Variants in CYFIP2 observed in about 807,000 individuals in gnomAD.
The protein encoded by CYFIP2 is cytoplasmic FMR1 interacting protein 2.
In CYFIP2, 29 loss-of-function variants were observed where a neutral mutation model predicts 158.7. The ratio of observed to expected loss-of-function variants is 0.18; its 90% CI spans 0.14 to 0.25. CYFIP2 has a LOEUF of 0.25. Ranked by LOEUF, CYFIP2 falls within the 10% of genes least tolerant of loss-of-function variation. The pLI, the probability that CYFIP2 is intolerant of heterozygous loss-of-function variation, is 1.00. For missense variants in CYFIP2, 852 were observed against 1,639.5 expected (o/e 0.52, Z 8.29); for synonymous variants, 585 against 617.6 (o/e 0.95, Z 0.78).
rs1581004070 is a variant in CYFIP2, at chr5:157,299,091, ATTGTTGGGT to A, written c.388-1623_388-1615del. On this transcript the variant is annotated intron_variant, in intron 5 of 30. Coordinates refer to ENST00000620254, the MANE Select transcript of CYFIP2 (RefSeq NM_001037333.3). ...TCTCAAGTAGAGACCTAGGAGTGGAATTGTTGGGTCAGATGGTAACCCCACCTTTAAGCT... is the reference window on the plus strand; with the variant it reads ...TCTCAAGTAGAGACCTAGGAGTGGAACAGATGGTAACCCCACCTTTAAGCT... Among the ~76,000 whole-genome samples the A allele has an allele frequency of 2.6e-5, 4 of 152,182 alleles. No homozygotes were observed. The East Asian group carries it at 7.7e-4, about 29-fold the overall frequency.
intron 28 of CYFIP2, among the ~76,000 whole-genome samples, chr5:157,388,274 A>C (rs898646060): frequency 1.1e-4 from 17 of 152,344 alleles, no homozygotes; most frequent in Admixed American, 4.6e-4. Flanking sequence ...TTTGACATCT[A>C]GTCTGTCTAG....
intron 28 of CYFIP2, among the ~76,000 whole-genome samples, chr5:157,388,917 A>G (rs1348542651): frequency 6.6e-6 from 1 of 152,254 alleles, no homozygotes; most frequent in Non-Finnish European, 1.5e-5. Flanking sequence ...TTCAATGGCT[A>G]TCCAGAATTC....
intron 26 of CYFIP2, among the ~76,000 whole-genome samples, chr5:157,378,512 A>G (rs1201088137): frequency 1.3e-5 from 2 of 152,230 alleles, no homozygotes; most frequent in Non-Finnish European, 2.9e-5. Context: ...ACATGTATAT[A>G]TAATGAAGGG....
chr5:157,366,968 G>A (rs1764433128), intron 26 of CYFIP2, among the ~76,000 whole-genome samples: 1 of 152,210 alleles, frequency 6.6e-6, no homozygotes, highest in African/African-American at 2.4e-5. Context: ...CCCCGGGAAG[G>A]ACAGAGCCCT....
chr5:157,340,221 G>A (rs530034791), intron 22 of CYFIP2, among the ~76,000 whole-genome samples: 1 of 152,366 alleles, frequency 6.6e-6, no homozygotes, highest in Admixed American at 6.5e-5. Context: ...AAATAAGTAT[G>A]TAAGGATGCA....
chr5:157,300,642 G>A, intron 5 of CYFIP2, 73 bp from the exon 6 acceptor site: 1 of 1,273,872 alleles, frequency 7.9e-7, no homozygotes, highest in Non-Finnish European at 1.0e-6. Context: ...TCTGAGGAGG[G>A]CCCTAGAGGA....
rs1195280227 is a variant in CYFIP2, at chr5:157,361,248, CGT to C, written c.2909-211_2909-210del. On this transcript the variant is annotated intron_variant, in intron 25 of 30. Coordinates refer to ENST00000620254, the MANE Select transcript of CYFIP2 (RefSeq NM_001037333.3). The surrounding 1 kb of genome is among the most constrained non-coding windows in gnomAD (Gnocchi z 4.4). ...GTTTGTGTGTGTGTGCATGTGTGTG[CGT>C]GTGTGTGTTCTGAAAAAGACATGAG... Among the ~76,000 whole-genome samples, 1 of 151,798 alleles carries C rather than the reference CGT, an allele frequency of 6.6e-6. No individual in the cohort carries two copies. Among genetic ancestry groups the C allele is most frequent in the Admixed American group, 6.6e-5 (1 of 15,222 alleles).
At chr5:157,348,864 C>A (rs946646528) in intron 23 of CYFIP2, among the ~76,000 whole-genome samples, 9 of 151,564 alleles carry the variant, frequency 5.9e-5, no homozygotes, top group Admixed American at 2.6e-4. Flanking sequence ...TGAGTCCCCA[C>A]AGAGCATAAA....
At position 157,359,024 on chromosome 5, in the gene CYFIP2, G is replaced by A. The variant is rs1414440150; in HGVS notation, c.2693G>A (p.Ser898Asn). The A allele has an allele frequency of 2.5e-6, 4 of 1,613,960 alleles. No individual in the cohort carries two copies. Residue 898 changes from serine (S) to asparagine (N), a missense_variant, in exon 24 of 31, where the codon AGC becomes AAC. Transcript: ENST00000620254. The stretch of plus-strand genomic sequence containing the variant: ...TTCCAGCCTCTCAACATTGCCTACA[G>A]CCACATCTACAGCTCCTACAGGAAT... Reference protein sequence around the residue: ...YGSKPLNIAYSHIYSSYRNFV... With the variant: ...YGSKPLNIAYNHIYSSYRNFV...
chr5:157,311,009 T>C lies in CYFIP2; in HGVS notation c.993-655T>C, dbSNP rs1301530834. On this transcript the variant is annotated intron_variant, in intron 10 of 30. Transcript: ENST00000620254. The surrounding 1 kb of genome is among the most constrained non-coding windows in gnomAD (Gnocchi z 4.7). ...TTTCCTCTCTGACTTAGGATGGTTT[T>C]CCTAATGACATCTTTTCACAAGGCG... is the stretch of plus-strand genomic sequence containing the variant. 2 of 454,310 alleles carry C rather than the reference T, an allele frequency of 4.4e-6. No homozygotes were observed. The highest frequency in any genetic ancestry group is 8.8e-6 in the Non-Finnish European group (2 of 226,500). 28.1% of individuals were successfully genotyped at this position (454,310 alleles called of 1,614,324 possible).
At chr5:157,358,215 T>G (rs573810193) in intron 23 of CYFIP2, among the ~76,000 whole-genome samples, 5 of 152,334 alleles carry the variant, frequency 3.3e-5, no homozygotes, top group African/African-American at 1.2e-4. Context: ...ATAGCATGGT[T>G]GTATATACTC....
chr5:157,349,814 G>T (rs1248349913), intron 23 of CYFIP2, among the ~76,000 whole-genome samples: 1 of 152,222 alleles, frequency 6.6e-6, no homozygotes, highest in Non-Finnish European at 1.5e-5. Context: ...CATTCTTGCA[G>T]GAGTAAGGTG....
intron 26 of CYFIP2, among the ~76,000 whole-genome samples, chr5:157,371,271 G>A (rs759902921): frequency 5.9e-5 from 9 of 152,102 alleles, no homozygotes; most frequent in Non-Finnish European, 1.2e-4. Context: ...CCAGCTCCCC[G>A]TCCCCCTCCT....
chr5:157,286,320 C>CT (rs1238578743), intron 2 of CYFIP2, among the ~76,000 whole-genome samples: 2 of 149,738 alleles, frequency 1.3e-5, no homozygotes, highest in African/African-American at 4.9e-5. Flanking sequence ...GGATATATAC[C>CT]TTTTTTACCA....
chr5:157,356,580 C>A (rs115542008), intron 23 of CYFIP2, among the ~76,000 whole-genome samples: 1 of 152,114 alleles, frequency 6.6e-6, no homozygotes, highest in Non-Finnish European at 1.5e-5. Flanking sequence ...TCCTCTCATG[C>A]CCCTTTCCAG....
At chr5:157,347,293 CT>C (rs1402490546) in intron 23 of CYFIP2, among the ~76,000 whole-genome samples, 1 of 134,468 alleles carries the variant, frequency 7.4e-6, no homozygotes, top group African/African-American at 3.1e-5. Flanking sequence ...TATAGAAAGA[CT>C]TTTTCCCTTG....
intron 5 of CYFIP2, among the ~76,000 whole-genome samples, chr5:157,297,524 C>G (rs554874022): frequency 1.3e-5 from 2 of 152,342 alleles, no homozygotes; most frequent in South Asian, 4.1e-4. Context: ...GTAGGTTTCA[C>G]AAATTGCAGC....
intron 20 of CYFIP2, 150 bp from the exon 21 acceptor site, chr5:157,333,177 C>A: frequency 1.1e-6 from 1 of 914,950 alleles, no homozygotes; most frequent in Non-Finnish European, 1.7e-6. Context: ...CCTCAATGGA[C>A]AGGCTGGTTG....
chr5:157,382,205 C>G (rs1210225221), intron 26 of CYFIP2, among the ~76,000 whole-genome samples: 1 of 152,184 alleles, frequency 6.6e-6, no homozygotes, highest in Non-Finnish European at 1.5e-5. Flanking sequence ...CTTGAGCCTA[C>G]AGACCTCACA....
Sources: gnomAD v4.1 joint callset for allele counts (sites outside exome capture counted in the v4.1 genomes callset) on GRCh38, gnomAD v4.1.1 for gene constraint, Gnocchi (gnomAD v3.1) non-coding constraint, MANE v1.5 for transcripts, NCBI Gene and HGNC (gene_info 2026-07-23, HGNC 2026-07-21) for gene names.